CFTR: variants seen among roughly 807,000 people sequenced by gnomAD.
The protein encoded by CFTR is CF transmembrane conductance regulator.
In CFTR, 181 loss-of-function variants were observed where a neutral mutation model predicts 171.6. That is an observed-to-expected ratio of 1.05 (90% CI 0.93 to 1.19). The LOEUF (loss-of-function observed/expected upper bound fraction) is 1.19. CFTR is among the 50% of genes most tolerant of loss of function. The probability of loss-of-function intolerance (pLI) is 0.00; values close to 1 mark genes in which losing one functional copy is unlikely to be tolerated. For missense variants in CFTR, 1,968 were observed against 1,734.7 expected, an observed-to-expected ratio of 1.13 and a Z score of -2.39; for synonymous variants, 583 against 608.0, an observed-to-expected ratio of 0.96 and a Z score of 0.60.
At chr7:117,530,519 A>G (rs1399383191) in intron 3 of CFTR, among the ~76,000 whole-genome samples, 1 of 152,218 alleles carries the variant, frequency 6.6e-6, no homozygotes, top group Non-Finnish European at 1.5e-5. Context: ...AAACAAAAAA[A>G]AAGCCTACTC....
At position 117,611,654 on chromosome 7, in the gene CFTR, G is replaced by A; in HGVS notation, c.3213G>A (p.Gln1071=). 3 of 1,613,550 alleles carry A rather than the reference G, an allele frequency of 1.9e-6. No homozygotes were observed. In the East Asian group the frequency reaches 6.7e-5, roughly 36 times the overall value. Residue 1071 remains glutamine, a synonymous_variant, in exon 20 of 27, where the codon CAG becomes CAA. Coordinates refer to ENST00000003084, the MANE Select transcript of CFTR (RefSeq NM_000492.4). ...GLWTLRAFGR[Q]PYFETLFHKA... The stretch of plus-strand genomic sequence containing the variant: ...GGACACTTCGTGCCTTCGGACGGCA[G>A]CCTTACTTTGAAACTCTGTTCCACA...
At chr7:117,663,144 C>A (rs1793317180) in intron 24 of CFTR, among the ~76,000 whole-genome samples, 1 of 152,048 alleles carries the variant, frequency 6.6e-6, no homozygotes, top group Admixed American at 6.6e-5. Flanking sequence ...AACCCAGAAA[C>A]AAGGGAGGGA....
At chr7:117,618,485 C>T (rs1792527799) in intron 21 of CFTR, among the ~76,000 whole-genome samples, 1 of 151,722 alleles carries the variant, frequency 6.6e-6, no homozygotes, top group African/African-American at 2.4e-5. Flanking sequence ...GTCTCACACA[C>T]ACACACACAC....
chr7:117,661,477 G>A (rs568177678), intron 24 of CFTR, among the ~76,000 whole-genome samples: 7 of 152,250 alleles, frequency 4.6e-5, no homozygotes, highest in East Asian at 3.9e-4. Flanking sequence ...TTCCTAGTAC[G>A]GCCTTAGGAA....
chr7:117,601,873 G>C (rs1429894638), intron 15 of CFTR, among the ~76,000 whole-genome samples: 1 of 152,102 alleles, frequency 6.6e-6, no homozygotes, highest in Admixed American at 6.5e-5. Flanking sequence ...TGTTTAAAAA[G>C]GTTTTTTGTT....
At chr7:117,606,271 G>C (rs139568843) in intron 17 of CFTR, among the ~76,000 whole-genome samples, 1 of 152,066 alleles carries the variant, frequency 6.6e-6, no homozygotes, top group African/African-American at 2.4e-5. Flanking sequence ...AGGAGAAGGA[G>C]ACCCCTATGT....
At chr7:117,551,951 GA>G (rs768393473) in intron 10 of CFTR, among the ~76,000 whole-genome samples, 10 of 152,046 alleles carry the variant, frequency 6.6e-5, no homozygotes, top group Non-Finnish European at 1.3e-4. Flanking sequence ...CATATGTATA[GA>G]ATAAGCTATT....
chr7:117,660,636 G>A (rs1554397135), intron 24 of CFTR, among the ~76,000 whole-genome samples: 2 of 151,460 alleles, frequency 1.3e-5, no homozygotes, highest in Non-Finnish European at 2.9e-5. Context: ...TCTCAAAAAG[G>A]AAGAAAGAAA....
intron 4 of CFTR, among the ~76,000 whole-genome samples, chr7:117,532,168 T>G (rs959066309): frequency 6.6e-6 from 1 of 152,092 alleles, no homozygotes; most frequent in Non-Finnish European, 1.5e-5. Context: ...ATGTGATAAG[T>G]CAACAAATGT....
In CFTR at chr7:117,587,667, G is replaced by A. The variant is rs143807881; in HGVS notation, c.1585-72G>A. The A allele has an allele frequency of 6.7e-5, 59 of 874,944 alleles. No homozygotes were observed. The African/African-American group carries it at 9.4e-4, about 14-fold the overall frequency. The allele number at this position is 874,944 out of a possible 1,614,324, so 54.2% of individuals were successfully genotyped here. A position where few individuals can be genotyped will look rare whatever the true frequency, so the allele number is the denominator to read the frequency against. ...AGTGTGATATATGATTACATTAGAA[G>A]GAAGATGTGCCTTTCAAATTCAGAT... On this transcript the variant is annotated intron_variant, in intron 11 of 26. Coordinates refer to ENST00000003084, the MANE Select transcript of CFTR (RefSeq NM_000492.4).
intron 22 of CFTR, among the ~76,000 whole-genome samples, chr7:117,633,667 G>A (rs999949176): frequency 1.3e-5 from 2 of 151,550 alleles, no homozygotes; most frequent in African/African-American, 4.8e-5. Flanking sequence ...AGTTGAAGAA[G>A]TCTCCTTCTA....
chr7:117,480,146 A>G lies in CFTR; in HGVS notation c.52A>G (p.Ser18Gly), dbSNP rs748599579. The G allele has an allele frequency of 5.6e-6, 9 of 1,613,816 alleles. No homozygotes were observed. Among genetic ancestry groups the G allele is most frequent in the Non-Finnish European group, 5.9e-6 (7 of 1,179,806 alleles). Residue 18 changes from serine to glycine, a missense_variant and splice_region_variant, in exon 1 of 27, where the codon AGC becomes GGC. Ser to Gly is a moderately conservative substitution (Grantham distance 56, BLOSUM62 0). Transcript: ENST00000003084. ...KASVVSKLFF[S>G]WTRPILRKGY... ...CAGCGTTGTCTCCAAACTTTTTTTC[A>G]GGTGAGAAGGTGGCCAACCGAGCTT... is the stretch of plus-strand genomic sequence containing the variant.
intron 22 of CFTR, among the ~76,000 whole-genome samples, chr7:117,641,822 C>T (rs1381985203): frequency 2.0e-5 from 3 of 152,186 alleles, no homozygotes; most frequent in African/African-American, 7.2e-5. Context: ...ATTCCCTTCT[C>T]GCCAATCCAG....
chr7:117,534,273 T>C lies in CFTR; in HGVS notation c.490-3T>C. On this transcript the variant is annotated splice_region_variant and splice_polypyrimidine_tract_variant and intron_variant, in intron 4 of 26. Transcript: ENST00000003084. ...ATTATCTAACTTTCCATTTTTCTTTTAGACTTTAAAGCTGTCAAGCCGTGT... is the reference window on the plus strand; with the variant it reads ...ATTATCTAACTTTCCATTTTTCTTTCAGACTTTAAAGCTGTCAAGCCGTGT... 1 of 1,499,466 alleles carries C rather than the reference T, an allele frequency of 6.7e-7. No homozygotes were observed. The highest frequency in any genetic ancestry group is 2.3e-5 in the East Asian group (1 of 44,254). The allele number at this position is 1,499,466 out of a possible 1,614,324, so 92.9% of individuals were successfully genotyped here.
At chr7:117,661,153 A>C (rs1793274599) in intron 24 of CFTR, among the ~76,000 whole-genome samples, 1 of 152,182 alleles carries the variant, frequency 6.6e-6, no homozygotes, top group African/African-American at 2.4e-5. Flanking sequence ...ATACTTAATA[A>C]ATTTCTTAAA....
chr7:117,563,344 GA>G (rs1294176874), intron 11 of CFTR, among the ~76,000 whole-genome samples: 1 of 152,032 alleles, frequency 6.6e-6, no homozygotes, highest in Non-Finnish European at 1.5e-5. Flanking sequence ...AGACTAATAG[GA>G]AACCATTTCA....
In CFTR at chr7:117,526,085, C is replaced by CA. The variant is rs1355019761; in HGVS notation, c.274-4810dup. On this transcript the variant is annotated intron_variant, in intron 3 of 26. Coordinates refer to ENST00000003084, the MANE Select transcript of CFTR (RefSeq NM_000492.4). ...TCTTTTAGGGCAGGCCTGGTGGTGA[C>CA]AAAATCTCTCAGCATTTGCTTGTCT... Among the ~76,000 whole-genome samples, 6 of 151,100 alleles carry CA rather than the reference C, an allele frequency of 4.0e-5. No individual in the cohort carries two copies. In the East Asian group the frequency reaches 7.8e-4, roughly 20 times the overall value.
At chr7:117,610,742 T>A in intron 19 of CFTR, 73 bp downstream of exon 19, 1 of 1,535,318 alleles carries the variant, frequency 6.5e-7, no homozygotes, top group South Asian at 1.2e-5. Flanking sequence ...TTATTGTTAA[T>A]CTACTTAAAA....
Position 117,657,606 on chromosome 7 carries a change from C to G in CFTR, c.3963+4675C>G, listed in dbSNP as rs1793203600. On this transcript the variant is annotated intron_variant, in intron 24 of 26. Transcript: ENST00000003084. ...CCAAACAGGACATTTTTGGGTGTGT[C>G]AAACACTAAACTGGACAGGACATTA... Among the ~76,000 whole-genome samples, 4 of 152,176 alleles carry G rather than the reference C, an allele frequency of 2.6e-5. No individual in the cohort carries two copies. The East Asian group carries it at 7.7e-4, about 29-fold the overall frequency.
Sources: gnomAD v4.1 joint callset for allele counts (sites outside exome capture counted in the v4.1 genomes callset) on GRCh38, gnomAD v4.1.1 for gene constraint, MANE v1.5 for transcripts, NCBI Gene and HGNC (gene_info 2026-07-23, HGNC 2026-07-21) for gene names.